The following FGD2 variants were observed in gnomAD, a reference collection of about 807,000 sequenced individuals.
FGD2 encodes the protein FYVE, RhoGEF and PH domain-containing protein 2.
A neutral mutation model predicts 75.9 loss-of-function variants in FGD2; 52 were observed. The ratio of observed to expected loss-of-function variants is 0.69; its 90% CI spans 0.55 to 0.86. The LOEUF (loss-of-function observed/expected upper bound fraction) is 0.86. FGD2 is among the 40% of genes least tolerant of loss of function. The probability of loss-of-function intolerance (pLI) is 0.00; values close to 1 mark genes in which losing one functional copy is unlikely to be tolerated. For synonymous variants in FGD2, 347 were observed against 348.6 expected, an observed-to-expected ratio of 1.00 and a Z score of 0.05; for missense variants, 790 against 872.0, an observed-to-expected ratio of 0.91 and a Z score of 1.18.
intron 3 of FGD2, 23 bp downstream of exon 3, chr6:37,011,073 T>C (rs1172880969): frequency 9.9e-6 from 16 of 1,612,076 alleles, no homozygotes; most frequent in African/African-American, 1.3e-5. Context: ...GACACCCCCC[T>C]CTAGAGCCCC....
At position 37,025,957 on chromosome 6, in the gene FGD2, G is replaced by T; in HGVS notation, c.1605+19G>T. Reference sequence around the variant, plus strand: ...CCTGGAGGTGAGGGCCACTGTCCCCGCGCTCACCATCCGTCCTCTGTTCAG... The same window carrying T: ...CCTGGAGGTGAGGGCCACTGTCCCCTCGCTCACCATCCGTCCTCTGTTCAG... On this transcript the variant is annotated intron_variant, in intron 14 of 15. Transcript: ENST00000274963. 1 of 1,612,952 alleles carries T rather than the reference G, an allele frequency of 6.2e-7. No homozygotes were observed. The highest frequency in any genetic ancestry group is 8.5e-7 in the Non-Finnish European group (1 of 1,179,588).
At chr6:37,027,858 T>C (rs1765902948) in intron 15 of FGD2, 90 bp from the exon 16 acceptor site, 12 of 1,404,988 alleles carry the variant, frequency 8.5e-6, no homozygotes, top group African/African-American at 1.4e-5. Flanking sequence ...GGGTGTGAGC[T>C]GTGCGTGCGT....
intron 2 of FGD2, 25 bp downstream of exon 2, chr6:37,009,090 G>A: frequency 1.2e-6 from 2 of 1,606,586 alleles, no homozygotes; most frequent in Non-Finnish European, 8.5e-7. Context: ...AGGTAGAGGT[G>A]TGGGGTGCTG....
chr6:37,020,385 C>T (rs1251175542), intron 9 of FGD2, among the ~76,000 whole-genome samples, 156 bp from the exon 10 acceptor site: 4 of 152,174 alleles, frequency 2.6e-5, no homozygotes, highest in Non-Finnish European at 5.9e-5. Flanking sequence ...TTGCTTGGCT[C>T]AACAGGATTA....
chr6:37,011,220 G>A, intron 3 of FGD2, 170 bp downstream of exon 3: 2 of 658,218 alleles, frequency 3.0e-6, no homozygotes, highest in Non-Finnish European at 5.3e-6. Context: ...AGAATCAGGA[G>A]GTCTTGTTAG....
chr6:37,007,551 G>C (rs1016465416), intron 1 of FGD2, among the ~76,000 whole-genome samples: 54 of 152,368 alleles, frequency 3.5e-4, no homozygotes, highest in African/African-American at 1.2e-3. Flanking sequence ...GCAGCCCTTA[G>C]ACGGGAGTTA....
At position 37,027,883 on chromosome 6, in the gene FGD2, C is replaced by T. The variant is rs868770658; in HGVS notation, c.1753-65C>T. 7.6e-5 allele frequency: 118 copies of T among 1,560,430 alleles called. 1 individual carries two copies. In the Middle Eastern group the frequency reaches 1.9e-3, roughly 25 times the overall value. On this transcript the variant is annotated intron_variant, in intron 15 of 15. Transcript: ENST00000274963. ...TGTGCGTGCGTGGCTGTTGCCTTCA[C>T]GATGGCTATCTGGGGCAGTAGGACT...
At chr6:37,011,551 C>T in intron 3 of FGD2, 155 bp from the exon 4 acceptor site, 1 of 1,024,982 alleles carries the variant, frequency 9.8e-7, no homozygotes. Flanking sequence ...AGAACACAAC[C>T]TCCCCTGCCT....
chr6:37,010,620 C>G (rs1317625391), intron 2 of FGD2, among the ~76,000 whole-genome samples: 1 of 152,200 alleles, frequency 6.6e-6, no homozygotes, highest in Non-Finnish European at 1.5e-5. Context: ...GCTGGCAGGG[C>G]TGGGCTCTTT....
chr6:37,018,216 G>A lies in FGD2; in HGVS notation c.1123-2325G>A, dbSNP rs73409467. 8.6e-3 allele frequency among the ~76,000 whole-genome samples: 1,313 copies of A among 152,292 alleles called. 19 individuals carry two copies. Among genetic ancestry groups the A allele is most frequent in the African/African-American group, 0.03 (1,239 of 41,554 alleles). On this transcript the variant is annotated intron_variant, in intron 9 of 15. Coordinates refer to ENST00000274963, the MANE Select transcript of FGD2 (RefSeq NM_173558.4). Reference sequence around the variant, plus strand: ...AACAGAGTCATAGAGAGAAAACAGAGAGAGCCGAGCCTGAGAGCATCAGAT... The same window carrying A: ...AACAGAGTCATAGAGAGAAAACAGAAAGAGCCGAGCCTGAGAGCATCAGAT...
rs374944598 is a variant in FGD2, at chr6:37,014,662, C to A, written c.840C>A (p.Ile280=). ...CCCTTTCAGAAGCCCTGGACATGATCTTCTCAGCTGCCCAGCACTCCAATG... is the reference window on the plus strand; with the variant it reads ...CCCTTTCAGAAGCCCTGGACATGATATTCTCAGCTGCCCAGCACTCCAATG... The part of the protein sequence containing the change: ...QADAQKALDM[I]FSAAQHSNAA... The change falls in exon 7 of 16, where the codon ATC becomes ATA. Residue 280 remains isoleucine, a synonymous_variant. Coordinates refer to ENST00000274963, the MANE Select transcript of FGD2 (RefSeq NM_173558.4). 1.9e-6 allele frequency: 3 copies of A among 1,613,906 alleles called. No homozygotes were observed. In the African/African-American group the frequency reaches 4.0e-5, roughly 22 times the overall value.
intron 1 of FGD2, among the ~76,000 whole-genome samples, chr6:37,006,184 C>G (rs938853280): frequency 2.0e-5 from 3 of 152,214 alleles, no homozygotes; most frequent in Admixed American, 2.0e-4. Context: ...GCCAGCACCT[C>G]TCAGAAAAGG....
intron 7 of FGD2, 62 bp downstream of exon 7, chr6:37,014,766 A>G (rs1765195443): frequency 6.2e-7 from 1 of 1,610,442 alleles, no homozygotes; most frequent in Non-Finnish European, 8.5e-7. Flanking sequence ...GCCTGGTCCC[A>G]CCCATGACAC....
chr6:37,025,955 C>T lies in FGD2; in HGVS notation c.1605+17C>T. ...ATCCTGGAGGTGAGGGCCACTGTCC[C>T]CGCGCTCACCATCCGTCCTCTGTTC... is the stretch of plus-strand genomic sequence containing the variant. On this transcript the variant is annotated intron_variant, in intron 14 of 15. Coordinates refer to ENST00000274963, the MANE Select transcript of FGD2 (RefSeq NM_173558.4). The T allele has an allele frequency of 6.2e-7, 1 of 1,612,956 alleles. No homozygotes were observed. Among genetic ancestry groups the T allele is most frequent in the Non-Finnish European group, 8.5e-7 (1 of 1,179,552 alleles).
intron 13 of FGD2, 134 bp downstream of exon 13, chr6:37,022,504 C>T (rs1055536313): frequency 7.8e-7 from 1 of 1,273,930 alleles, no homozygotes; most frequent in South Asian, 1.7e-5. Flanking sequence ...ACCTCGGCCT[C>T]CATCTGTGTC....
At chr6:37,007,356 T>C (rs1022761038) in intron 1 of FGD2, among the ~76,000 whole-genome samples, 1 of 152,168 alleles carries the variant, frequency 6.6e-6, no homozygotes, top group African/African-American at 2.4e-5. Context: ...CCCGGGATCT[T>C]TGCCAAGCTC....
intron 13 of FGD2, chr6:37,025,393 C>A (rs1583325443): frequency 4.8e-6 from 1 of 210,224 alleles, no homozygotes; most frequent in East Asian, 1.1e-4. Flanking sequence ...CTGGTGGGGT[C>A]TTTGGGAGAG....
chr6:37,012,711 TA>T (rs376918197), intron 4 of FGD2, among the ~76,000 whole-genome samples: 759 of 127,196 alleles, frequency 6.0e-3, no homozygotes, highest in African/African-American at 0.011. Flanking sequence ...GACCCTGACT[TA>T]AAAAAAAAAA....
In FGD2 at chr6:37,021,493, C is replaced by T. The variant is rs1208140029; in HGVS notation, c.1234-19C>T. The T allele has an allele frequency of 2.5e-6, 4 of 1,606,412 alleles. No homozygotes were observed. Among genetic ancestry groups the T allele is most frequent in the Non-Finnish European group, 2.6e-6 (3 of 1,174,760 alleles). On this transcript the variant is annotated intron_variant, in intron 11 of 15. Transcript: ENST00000274963. Reference sequence around the variant, plus strand: ...CTTCCACACCTCAAGCCCCGACCCTCCCCCTCCCTGCACCCCAGGCCTTCC... The same window carrying T: ...CTTCCACACCTCAAGCCCCGACCCTTCCCCTCCCTGCACCCCAGGCCTTCC...
Sources: gnomAD v4.1 joint callset for allele counts (sites outside exome capture counted in the v4.1 genomes callset) on GRCh38, gnomAD v4.1.1 for gene constraint, MANE v1.5 for transcripts, NCBI Gene and HGNC (gene_info 2026-07-23, HGNC 2026-07-21) for gene names.